The following GALNT11 variants were observed in gnomAD, a reference collection of about 807,000 sequenced individuals.
GALNT11 encodes UDP-GalNAc:polypeptide N-acetylgalactosaminyltransferase 11.
GALNT11 carries 47 observed loss-of-function variants against 72.7 expected under a neutral mutation model. The observed-to-expected ratio is 0.65, with a 90% CI of 0.51 to 0.82. The LOEUF (loss-of-function observed/expected upper bound fraction) is 0.82. GALNT11 is among the 40% of genes least tolerant of loss of function. GALNT11 has a pLI of 0.00. For missense variants in GALNT11, 677 were observed against 778.4 expected, an observed-to-expected ratio of 0.87 and a Z score of 1.55; for synonymous variants, 270 against 286.6, an observed-to-expected ratio of 0.94 and a Z score of 0.58.
intron 1 of GALNT11, among the ~76,000 whole-genome samples, chr7:152,030,809 C>T (rs1166522906): frequency 6.6e-6 from 1 of 152,158 alleles, no homozygotes; most frequent in Non-Finnish European, 1.5e-5. Context: ...CTGTGTCTCT[C>T]TCTGATTTTC....
intron 1 of GALNT11, among the ~76,000 whole-genome samples, chr7:152,064,424 G>A (rs1311575992): frequency 1.3e-5 from 2 of 152,150 alleles, no homozygotes; most frequent in Non-Finnish European, 2.9e-5. Context: ...GCCAATCTGT[G>A]TTGTTTAATT....
chr7:152,070,850 A>G (rs957268937), intron 1 of GALNT11, among the ~76,000 whole-genome samples: 5 of 152,250 alleles, frequency 3.3e-5, no homozygotes, highest in African/African-American at 9.6e-5. Context: ...AAATAAAGGG[A>G]CAGAGTACAA....
intron 1 of GALNT11, among the ~76,000 whole-genome samples, chr7:152,026,608 T>C (rs143801260): frequency 6.6e-6 from 1 of 152,356 alleles, no homozygotes; most frequent in Non-Finnish European, 1.5e-5. Context: ...CTGCCCTGTA[T>C]TTATGTAAAA....
intron 2 of GALNT11, among the ~76,000 whole-genome samples, chr7:152,095,979 A>G (rs1006547705): frequency 6.6e-6 from 1 of 152,230 alleles, no homozygotes; most frequent in Non-Finnish European, 1.5e-5. Flanking sequence ...CTGTAGCAAC[A>G]AGTGGCCTGA....
At chr7:152,087,331 G>A (rs2085713963) in intron 1 of GALNT11, among the ~76,000 whole-genome samples, 1 of 152,214 alleles carries the variant, frequency 6.6e-6, no homozygotes. Flanking sequence ...GGCAGTGAAA[G>A]AAGTCATCAT....
In GALNT11 at chr7:152,086,382, A is replaced by G. The variant is rs573958062; in HGVS notation, c.-38-7808A>G. Reference sequence around the variant, plus strand: ...TCCTTTATTGCTTCTGAATACCATTATGCTTAATTGTATAAAAGAAATGAT... The same window carrying G: ...TCCTTTATTGCTTCTGAATACCATTGTGCTTAATTGTATAAAAGAAATGAT... On this transcript the variant is annotated intron_variant, in intron 1 of 11. Transcript: ENST00000430044. Among the ~76,000 whole-genome samples, 3 of 152,302 alleles carry G rather than the reference A, an allele frequency of 2.0e-5. No homozygotes were observed. The East Asian group carries it at 5.8e-4, about 29-fold the overall frequency.
At chr7:152,062,166 G>A (rs1370070002) in intron 1 of GALNT11, among the ~76,000 whole-genome samples, 4 of 152,146 alleles carry the variant, frequency 2.6e-5, no homozygotes, top group Admixed American at 1.3e-4. Flanking sequence ...GTGGTTTGTA[G>A]TTCTCCTTGA....
At chr7:152,086,804 G>T (rs1214206210) in intron 1 of GALNT11, among the ~76,000 whole-genome samples, 1 of 152,304 alleles carries the variant, frequency 6.6e-6, no homozygotes, top group East Asian at 1.9e-4. Flanking sequence ...TTATCACAAA[G>T]ACCATTATTT....
intron 1 of GALNT11, among the ~76,000 whole-genome samples, chr7:152,032,561 A>C (rs985345333): frequency 2.0e-5 from 3 of 152,190 alleles, no homozygotes; most frequent in Non-Finnish European, 2.9e-5. Flanking sequence ...TTTCTTTACT[A>C]AGCCTTGAGC....
Position 152,121,575 on chromosome 7 carries a change from T to C in GALNT11, c.1725T>C (p.Val575=), listed in dbSNP as rs778496285. 6.2e-7 allele frequency: 1 copy of C among 1,613,878 alleles called. No homozygotes were observed. The highest frequency in any genetic ancestry group is 1.1e-5 in the South Asian group (1 of 91,026). The change falls in exon 12 of 12, where the codon GTT becomes GTC. Residue 575 remains valine, a synonymous_variant. Coordinates refer to ENST00000430044, the MANE Select transcript of GALNT11 (RefSeq NM_022087.4). ...ACAATCGGCTATACCAGGTGTCGGT[T>C]GGACAGTGCCTGAGAGCAGTGGATC... The part of the protein sequence containing the change: ...GKNNRLYQVS[V]GQCLRAVDPL...
chr7:152,026,171 C>G (rs2082003851), intron 1 of GALNT11, among the ~76,000 whole-genome samples: 1 of 152,212 alleles, frequency 6.6e-6, no homozygotes, highest in Non-Finnish European at 1.5e-5. Flanking sequence ...CACACCTGAT[C>G]CTGCAGCCTC....
rs202114668 is a variant in GALNT11, at chr7:152,108,247, T to C, written c.922T>C (p.Ser308Pro). Residue 308 changes from serine to proline, a missense_variant, in exon 6 of 12, where the codon TCT (serine) becomes CCT (proline). Coordinates refer to ENST00000430044, the MANE Select transcript of GALNT11 (RefSeq NM_022087.4). Reference sequence around the variant, plus strand: ...CTTCAAATGGGATCTTGTCCCCCTTTCTGAGCTAGGACGAGCGGAGGGAGC... The same window carrying C: ...CTTCAAATGGGATCTTGTCCCCCTTCCTGAGCTAGGACGAGCGGAGGGAGC... The part of the protein sequence containing the change: ...LHFKWDLVPL[S>P]ELGRAEGATA... The C allele has an allele frequency of 4.7e-5, 76 of 1,613,822 alleles. No homozygotes were observed. The highest frequency in any genetic ancestry group is 3.3e-4 in the Middle Eastern group (2 of 6,084).
chr7:152,026,542 A>C (rs1032320571), intron 1 of GALNT11, among the ~76,000 whole-genome samples: 7 of 152,274 alleles, frequency 4.6e-5, no homozygotes, highest in African/African-American at 1.7e-4. Context: ...GAACAGGGAC[A>C]GAACTCAAGT....
chr7:152,034,981 C>A (rs1300512160), intron 1 of GALNT11, among the ~76,000 whole-genome samples: 2 of 152,106 alleles, frequency 1.3e-5, no homozygotes, highest in African/African-American at 4.8e-5. Flanking sequence ...TGGGACTTTA[C>A]CCCTCCTGTA....
intron 1 of GALNT11, among the ~76,000 whole-genome samples, chr7:152,039,892 A>G (rs901279157): frequency 2.6e-5 from 4 of 152,160 alleles, no homozygotes; most frequent in African/African-American, 9.7e-5. Flanking sequence ...GATGCTGTTC[A>G]GCTGCTGATA....
At chr7:152,105,439 T>G in intron 5 of GALNT11, 69 bp downstream of exon 5, 1 of 1,556,420 alleles carries the variant, frequency 6.4e-7, no homozygotes, top group Admixed American at 2.0e-5. Context: ...GCGCCTGTCC[T>G]GATTCTGCAA....
At chr7:152,049,958 G>T (rs1405776968) in intron 1 of GALNT11, among the ~76,000 whole-genome samples, 1 of 152,102 alleles carries the variant, frequency 6.6e-6, no homozygotes, top group East Asian at 1.9e-4. Context: ...GGGCTCTTCA[G>T]TCAGCTTGTA....
intron 1 of GALNT11, among the ~76,000 whole-genome samples, chr7:152,090,174 C>T (rs1360766501): frequency 6.6e-6 from 1 of 152,230 alleles, no homozygotes; most frequent in African/African-American, 2.4e-5. Flanking sequence ...GCTTGGCATA[C>T]ACCCAGGAGT....
chr7:152,081,103 A>C (rs188458770), intron 1 of GALNT11, among the ~76,000 whole-genome samples: 9 of 152,346 alleles, frequency 5.9e-5, no homozygotes, highest in Middle Eastern at 6.8e-3. Context: ...TTTTCATTAA[A>C]TCATTCAGAA....
Sources: allele counts gnomAD v4.1 joint callset (sites outside exome capture counted in the v4.1 genomes callset), GRCh38; gene constraint gnomAD v4.1.1; transcripts MANE v1.5; gene names NCBI Gene and HGNC (gene_info 2026-07-23, HGNC 2026-07-21).